The following RBM19 variants were observed in gnomAD, a reference collection of about 807,000 sequenced individuals.
The protein encoded by RBM19 is RNA binding motif protein 19.
Under a neutral mutation model 116.8 loss-of-function variants are expected in RBM19, and 94 were observed. The ratio of observed to expected loss-of-function variants is 0.80; its 90% confidence interval spans 0.68 to 0.95. RBM19 has a LOEUF of 0.95. Ranked by LOEUF, RBM19 falls within the 40% of genes least tolerant of loss-of-function variation. The pLI is 0.00. For missense variants in RBM19, 1,161 were observed against 1,220.7 expected (o/e 0.95, Z 0.73); for synonymous variants, 475 against 494.1 (o/e 0.96, Z 0.51).
intron 16 of RBM19, among the ~76,000 whole-genome samples, chr12:113,930,033 T>C (rs1376165138): frequency 2.0e-5 from 3 of 152,198 alleles, no homozygotes; most frequent in Non-Finnish European, 4.4e-5. Context: ...AGAATTCAGA[T>C]CTATTAAGAG....
chr12:113,966,135 C>A (rs867670480), intron 1 of RBM19, 57 bp downstream of exon 1: 5 of 1,611,376 alleles, frequency 3.1e-6, no homozygotes, highest in African/African-American at 2.7e-5. Context: ...CTCTTCCCTA[C>A]CTCACAGCTC....
chr12:113,887,820 G>C (rs1056535411), intron 21 of RBM19, among the ~76,000 whole-genome samples: 1 of 151,588 alleles, frequency 6.6e-6, no homozygotes, highest in South Asian at 2.1e-4. Flanking sequence ...TCCTGGGTTC[G>C]GGTGATCCTC....
chr12:113,866,038 T>C (rs188670475), intron 21 of RBM19, among the ~76,000 whole-genome samples: 5 of 152,316 alleles, frequency 3.3e-5, no homozygotes, highest in African/African-American at 9.6e-5. Flanking sequence ...AAGGTTATGT[T>C]GATGAGTGTG....
At chr12:113,962,468 G>C in intron 1 of RBM19, 54 bp from the exon 2 acceptor site, 1 of 1,539,420 alleles carries the variant, frequency 6.5e-7, no homozygotes, top group South Asian at 1.1e-5. Flanking sequence ...CAGAGCAAGG[G>C]GACAAAATGG....
chr12:113,863,239 G>T (rs1161055999), intron 21 of RBM19, among the ~76,000 whole-genome samples: 1 of 151,280 alleles, frequency 6.6e-6, no homozygotes, highest in Non-Finnish European at 1.5e-5. Context: ...GTGTGTGTGG[G>T]GCCAGCGTAT....
At chr12:113,836,879 G>C in intron 23 of RBM19, among the ~76,000 whole-genome samples, 1 of 89,764 alleles carries the variant, frequency 1.1e-5, no homozygotes, top group Non-Finnish European at 2.0e-5. Context: ...AGGCATACCT[G>C]TCCTCCTACT....
intron 1 of RBM19, among the ~76,000 whole-genome samples, chr12:113,965,484 C>A (rs1872796446): frequency 6.6e-6 from 1 of 151,996 alleles, no homozygotes; most frequent in Admixed American, 6.6e-5. Flanking sequence ...GAGACACTGT[C>A]TAACCTGATG....
chr12:113,953,024 A>G (rs1871603992), intron 7 of RBM19, among the ~76,000 whole-genome samples: 1 of 152,244 alleles, frequency 6.6e-6, no homozygotes, highest in Non-Finnish European at 1.5e-5. Context: ...TGATACTGAA[A>G]GAATTCTGAC....
chr12:113,947,954 C>G (rs368923279), intron 10 of RBM19, among the ~76,000 whole-genome samples: 6 of 152,214 alleles, frequency 3.9e-5, no homozygotes, highest in African/African-American at 1.4e-4. Context: ...GCTTCTCCCC[C>G]TCAGCCCACC....
intron 14 of RBM19, among the ~76,000 whole-genome samples, chr12:113,941,832 G>A (rs939928897): frequency 6.6e-6 from 1 of 152,180 alleles, no homozygotes; most frequent in Non-Finnish European, 1.5e-5. Flanking sequence ...GTTTGACCTT[G>A]TAAGTCACCT....
chr12:113,955,081 C>T (rs369966234), intron 7 of RBM19, 50 bp downstream of exon 7: 29 of 1,581,608 alleles, frequency 1.8e-5, no homozygotes, highest in South Asian at 1.1e-4. Context: ...TCCCCACCCT[C>T]GTCTCCTGCT....
chr12:113,919,457 G>C (rs1055394465), intron 19 of RBM19, among the ~76,000 whole-genome samples: 1 of 152,206 alleles, frequency 6.6e-6, no homozygotes, highest in Non-Finnish European at 1.5e-5. Context: ...TGTAGTCCCA[G>C]CTACTCTGGA....
At chr12:113,869,483 T>A (rs1879063404) in intron 21 of RBM19, among the ~76,000 whole-genome samples, 1 of 152,136 alleles carries the variant, frequency 6.6e-6, no homozygotes, top group African/African-American at 2.4e-5. Flanking sequence ...TCTGCCTGAG[T>A]GAGTTAATGA....
chr12:113,841,710 C>G (rs1045244401), intron 23 of RBM19, among the ~76,000 whole-genome samples: 1 of 152,170 alleles, frequency 6.6e-6, no homozygotes, highest in African/African-American at 2.4e-5. Flanking sequence ...CAGGCCTGAG[C>G]CACTGCGCCT....
intron 21 of RBM19, among the ~76,000 whole-genome samples, chr12:113,859,382 CA>C (rs1197790379): frequency 6.6e-6 from 1 of 152,200 alleles, no homozygotes; most frequent in East Asian, 1.9e-4. Context: ...CCAGGCTGAG[CA>C]AATGGGATGG....
chr12:113,922,025 T>C (rs1263187711), intron 18 of RBM19, among the ~76,000 whole-genome samples: 1 of 152,148 alleles, frequency 6.6e-6, no homozygotes, highest in Non-Finnish European at 1.5e-5. Context: ...TACTGGATCC[T>C]TCCACATGTC....
Position 113,949,187 on chromosome 12 carries a change from G to A in RBM19, c.1073-151C>T, listed in dbSNP as rs533901864. 1.0e-3 allele frequency: 742 copies of A among 717,750 alleles called. 2 individuals carry two copies. The highest frequency in any genetic ancestry group is 5.3e-3 in the Middle Eastern group (13 of 2,472). 44.5% of individuals were successfully genotyped at this position (717,750 alleles called of 1,614,324 possible). On this transcript the variant is annotated intron_variant, in intron 9 of 23. Coordinates refer to ENST00000261741, the MANE Select transcript of RBM19 (RefSeq NM_016196.4). ...CCCAACACCTGCCCTGTCACCTGAGGCGGCAGCATAAGCCAAGCCAACACC... is the reference window on the plus strand; with the variant it reads ...CCCAACACCTGCCCTGTCACCTGAGACGGCAGCATAAGCCAAGCCAACACC...
At chr12:113,878,117 C>T (rs553684395) in intron 21 of RBM19, among the ~76,000 whole-genome samples, 1 of 152,108 alleles carries the variant, frequency 6.6e-6, no homozygotes, top group Admixed American at 6.5e-5. Context: ...AGGGTATTTA[C>T]TCTCTGGCCC....
At chr12:113,860,420 G>A (rs912186400) in intron 21 of RBM19, among the ~76,000 whole-genome samples, 13 of 152,208 alleles carry the variant, frequency 8.5e-5, no homozygotes, top group South Asian at 6.2e-4. Flanking sequence ...AGGGAAGGGC[G>A]TGGACAAATT....
Sources: allele counts gnomAD v4.1 joint callset (sites outside exome capture counted in the v4.1 genomes callset), GRCh38; gene constraint gnomAD v4.1.1; transcripts MANE v1.5; gene names NCBI Gene and HGNC (gene_info 2026-07-23, HGNC 2026-07-21).